DOCK4: variants seen among roughly 807,000 people sequenced by gnomAD.
DOCK4 encodes the protein dedicator of cytokinesis protein 4.
In DOCK4, 97 loss-of-function variants were observed where a neutral mutation model predicts 268.1. The ratio of observed to expected loss-of-function variants is 0.36; its 90% confidence interval spans 0.31 to 0.43. The LOEUF (loss-of-function observed/expected upper bound fraction) is 0.43. Among genes scored for constraint, DOCK4 ranks in the 20% least tolerant of loss-of-function variants. DOCK4 has a pLI of 1.00. For synonymous variants in DOCK4, 954 were observed against 887.2 expected (o/e 1.08, Z -1.34); for missense variants, 2,145 against 2,455.7 (o/e 0.87, Z 2.67).
intron 1 of DOCK4, among the ~76,000 whole-genome samples, chr7:112,089,787 G>C (rs189604838): frequency 6.6e-6 from 1 of 151,962 alleles, no homozygotes; most frequent in East Asian, 1.9e-4. Context: ...TTCCCCTTCC[G>C]CCATGATGAA....
intron 8 of DOCK4, among the ~76,000 whole-genome samples, chr7:111,952,710 C>T (rs185094758): frequency 8.1e-4 from 124 of 152,148 alleles, no homozygotes; most frequent in African/African-American, 1.5e-3. Context: ...TTACAAAGAA[C>T]GCTTGTAAAA....
At chr7:111,872,179 T>C (rs1359019073) in intron 19 of DOCK4, 89 bp from the exon 20 acceptor site, 14 of 1,363,158 alleles carry the variant, frequency 1.0e-5, no homozygotes, top group Non-Finnish European at 1.0e-5. Context: ...AACTCTTACA[T>C]TATTAAGCAC....
intron 1 of DOCK4, among the ~76,000 whole-genome samples, chr7:112,041,495 A>T (rs1388602679): frequency 6.6e-6 from 1 of 152,218 alleles, no homozygotes; most frequent in Non-Finnish European, 1.5e-5. Context: ...TGGATAAAAA[A>T]CAATTTCAAA....
At chr7:112,180,414 C>T (rs1265084647) in intron 1 of DOCK4, among the ~76,000 whole-genome samples, 1 of 152,236 alleles carries the variant, frequency 6.6e-6, no homozygotes, top group Non-Finnish European at 1.5e-5. Flanking sequence ...ACAGCACAAC[C>T]TGCCATCTGC....
At chr7:112,050,631 T>C (rs773554377) in intron 1 of DOCK4, among the ~76,000 whole-genome samples, 2 of 151,162 alleles carry the variant, frequency 1.3e-5, no homozygotes, top group Admixed American at 6.6e-5. Context: ...TTGGATTTCA[T>C]TGAAGAGTCT....
chr7:111,879,864 G>A (rs1442290310), intron 16 of DOCK4, among the ~76,000 whole-genome samples: 1 of 152,064 alleles, frequency 6.6e-6, no homozygotes, highest in African/African-American at 2.4e-5. Flanking sequence ...CAGGCTATTT[G>A]AAAATACACA....
intron 36 of DOCK4, among the ~76,000 whole-genome samples, chr7:111,777,681 C>T (rs1036995819): frequency 2.0e-5 from 3 of 152,124 alleles, no homozygotes; most frequent in Non-Finnish European, 4.4e-5. Flanking sequence ...TGCCACAACT[C>T]CCATATGTCA....
At chr7:111,757,555 TC>T (rs1432764617) in intron 41 of DOCK4, among the ~76,000 whole-genome samples, 1 of 152,194 alleles carries the variant, frequency 6.6e-6, no homozygotes, top group East Asian at 1.9e-4. Flanking sequence ...TTTAATACTA[TC>T]CCATTGTTGT....
At chr7:112,144,945 G>A (rs979128674) in intron 1 of DOCK4, among the ~76,000 whole-genome samples, 2 of 152,120 alleles carry the variant, frequency 1.3e-5, no homozygotes. Flanking sequence ...GTTCCACTGG[G>A]TTATGAAACA....
In DOCK4 at chr7:111,808,757, T is replaced by C. The variant is rs1004387680; in HGVS notation, c.3166+64A>G. The stretch of plus-strand genomic sequence containing the variant: ...TCACTGGTAAATTGCCTTTCTTCAT[T>C]TGTACACTTCAAGGTACAGCGAGGA... On this transcript the variant is annotated intron_variant, in intron 30 of 52. Transcript: ENST00000428084. The C allele has an allele frequency of 3.2e-6, 5 of 1,542,164 alleles. No homozygotes were observed. The South Asian group carries it at 5.9e-5, about 18-fold the overall frequency.
At chr7:112,121,755 C>T (rs1206167375) in intron 1 of DOCK4, among the ~76,000 whole-genome samples, 1 of 152,204 alleles carries the variant, frequency 6.6e-6, no homozygotes, top group Non-Finnish European at 1.5e-5. Context: ...TATGAAATCC[C>T]TTTCTGGTTT....
At chr7:111,944,744 T>A in intron 10 of DOCK4, 67 bp downstream of exon 10, 1 of 1,421,804 alleles carries the variant, frequency 7.0e-7, no homozygotes, top group Non-Finnish European at 9.9e-7. Flanking sequence ...CACAACAACA[T>A]AGAAACCTCT....
intron 1 of DOCK4, among the ~76,000 whole-genome samples, chr7:112,097,060 G>A (rs143479697): frequency 6.6e-6 from 1 of 152,272 alleles, no homozygotes; most frequent in Non-Finnish European, 1.5e-5. Flanking sequence ...ACCGCAAAAA[G>A]CCAACTATCA....
chr7:112,143,971 A>T (rs1815181384), intron 1 of DOCK4, among the ~76,000 whole-genome samples: 1 of 152,218 alleles, frequency 6.6e-6, no homozygotes, highest in Non-Finnish European at 1.5e-5. Context: ...TCAATCCATC[A>T]ACAAGTGTGA....
At chr7:111,937,401 T>C (rs967663880) in intron 11 of DOCK4, among the ~76,000 whole-genome samples, 4 of 152,102 alleles carry the variant, frequency 2.6e-5, no homozygotes, top group Non-Finnish European at 5.9e-5. Context: ...CTATTAAGAA[T>C]TACCCAAAAC....
chr7:112,004,097 G>A lies in DOCK4; in HGVS notation c.72C>T (p.Gly24=), dbSNP rs533903712. 31 of 1,601,248 alleles carry A rather than the reference G, an allele frequency of 1.9e-5. No individual in the cohort carries two copies. In the South Asian group the frequency reaches 3.0e-4, roughly 15 times the overall value. Residue 24 remains glycine, a synonymous_variant, in exon 2 of 53, where the codon GGC becomes GGT. Coordinates refer to ENST00000428084, the MANE Select transcript of DOCK4 (RefSeq NM_001363540.2). ...CTGTATCTCCAATTTCCAATGACAG[G>A]CCATATGGAACGGTTCCTCGGAAAC... ...IASFRGTVPY[G]LSLEIGDTVQ...
chr7:112,055,253 A>G (rs1189631552), intron 1 of DOCK4, among the ~76,000 whole-genome samples: 2 of 152,228 alleles, frequency 1.3e-5, no homozygotes, highest in Non-Finnish European at 2.9e-5. Context: ...CTATACATAC[A>G]TTTAAGGTAG....
In DOCK4 at chr7:111,728,728, G is replaced by C. The variant is rs1794847557; in HGVS notation, c.5482-8C>G. On this transcript the variant is annotated splice_region_variant and splice_polypyrimidine_tract_variant and intron_variant, in intron 52 of 52. Transcript: ENST00000428084. ...GAAAGACTGCACAGAGCCCTGCTCC[G>C]GGGAGAAGGAAACGAGAGGGAGACA... 2 of 1,597,946 alleles carry C rather than the reference G, an allele frequency of 1.3e-6. No individual in the cohort carries two copies. Among genetic ancestry groups the C allele is most frequent in the Admixed American group, 3.4e-5 (2 of 57,990 alleles).
intron 1 of DOCK4, among the ~76,000 whole-genome samples, chr7:112,152,551 G>C (rs1446300966): frequency 6.6e-6 from 1 of 152,062 alleles, no homozygotes; most frequent in Non-Finnish European, 1.5e-5. Flanking sequence ...GAACAAAAAG[G>C]GTATATGCAG....
Sources: gnomAD v4.1 joint callset for allele counts (sites outside exome capture counted in the v4.1 genomes callset) on GRCh38, gnomAD v4.1.1 for gene constraint, MANE v1.5 for transcripts, NCBI Gene and HGNC (gene_info 2026-07-23, HGNC 2026-07-21) for gene names.